The following RPS6KA2 variants were observed in gnomAD, a reference collection of about 807,000 sequenced individuals.
The protein encoded by RPS6KA2 is ribosomal protein S6 kinase A2, also known as ribosomal protein S6 kinase alpha-2.
Under a neutral mutation model 91.8 loss-of-function variants are expected in RPS6KA2, and 42 were observed. The ratio of observed to expected loss-of-function variants is 0.46; its 90% confidence interval spans 0.36 to 0.59. The LOEUF is 0.59. Ranked by LOEUF, RPS6KA2 falls within the 20% of genes least tolerant of loss-of-function variation. The pLI, the probability that RPS6KA2 is intolerant of heterozygous loss-of-function variation, is 0.00. For missense variants in RPS6KA2, 798 were observed against 978.5 expected (o/e 0.82, Z 2.46); for synonymous variants, 414 against 393.6 (o/e 1.05, Z -0.61).
At chr6:166,416,961 A>G (rs893511954) in intron 19 of RPS6KA2, among the ~76,000 whole-genome samples, 16 of 152,214 alleles carry the variant, frequency 1.1e-4, no homozygotes, top group African/African-American at 3.9e-4. Context: ...AGATGTCAAC[A>G]GCAGAATTGG....
At chr6:166,743,553 T>A (rs553472017) in intron 2 of RPS6KA2, among the ~76,000 whole-genome samples, 38 of 152,326 alleles carry the variant, frequency 2.5e-4, no homozygotes, top group Non-Finnish European at 4.7e-4. Context: ...ATAACAACAG[T>A]GCCACCTAAT....
At chr6:166,669,826 C>T (rs1295110239) in intron 2 of RPS6KA2, among the ~76,000 whole-genome samples, 6 of 152,218 alleles carry the variant, frequency 3.9e-5, no homozygotes, top group Non-Finnish European at 5.9e-5. Flanking sequence ...TGATTCCTAC[C>T]GAGGTCCAGG....
intron 2 of RPS6KA2, among the ~76,000 whole-genome samples, chr6:166,688,443 A>C (rs1789091606): frequency 6.6e-6 from 1 of 152,188 alleles, no homozygotes; most frequent in African/African-American, 2.4e-5. Flanking sequence ...GCAGCTGCAG[A>C]GGGAGCTGGC....
intron 2 of RPS6KA2, among the ~76,000 whole-genome samples, chr6:166,817,951 G>A (rs1779812815): frequency 6.6e-6 from 1 of 151,910 alleles, no homozygotes; most frequent in Admixed American, 6.6e-5. Flanking sequence ...TTGAACTCCT[G>A]AGCTCAGGCA....
intron 2 of RPS6KA2, among the ~76,000 whole-genome samples, chr6:166,824,889 G>A (rs1209569938): frequency 6.6e-6 from 1 of 152,160 alleles, no homozygotes; most frequent in Non-Finnish European, 1.5e-5. Flanking sequence ...CTGTATGTAT[G>A]TCTGTGTGTA....
chr6:166,730,112 A>C (rs1431504237), intron 2 of RPS6KA2, among the ~76,000 whole-genome samples: 1 of 152,212 alleles, frequency 6.6e-6, no homozygotes, highest in Non-Finnish European at 1.5e-5. Flanking sequence ...GTAACTTTCT[A>C]TATTGCTTTT....
At chr6:166,834,064 A>T (rs1780254659) in intron 2 of RPS6KA2, among the ~76,000 whole-genome samples, 1 of 152,136 alleles carries the variant, frequency 6.6e-6, no homozygotes, top group African/African-American at 2.4e-5. Context: ...GGGTGAAAGC[A>T]TTGGGTTATA....
chr6:166,440,628 C>A (rs900404536), intron 14 of RPS6KA2, among the ~76,000 whole-genome samples: 2 of 152,276 alleles, frequency 1.3e-5, no homozygotes, highest in East Asian at 3.9e-4. Flanking sequence ...TGTTTGAGAA[C>A]GAAGTTAACA....
rs1454316323 is a variant in RPS6KA2, at chr6:166,662,572, C to T, written c.124-123788G>A. Among the ~76,000 whole-genome samples the T allele has an allele frequency of 6.6e-6, 1 of 152,066 alleles. No homozygotes were observed. The highest frequency in any genetic ancestry group is 1.5e-5 in the Non-Finnish European group (1 of 68,028). Reference sequence around the variant, plus strand: ...AACACCAGTTAGTTTGCACCAGTTCCAGGAAAGAGATTCAATATGAAAATA... The same window carrying T: ...AACACCAGTTAGTTTGCACCAGTTCTAGGAAAGAGATTCAATATGAAAATA... On this transcript the variant is annotated intron_variant, in intron 2 of 21. Coordinates refer to the RPS6KA2 transcript ENST00000503859. The surrounding 1 kb of genome is among the most constrained non-coding windows in gnomAD (Gnocchi z 4.3).
intron 2 of RPS6KA2, among the ~76,000 whole-genome samples, chr6:166,771,157 A>G (rs1778459998): frequency 6.6e-6 from 1 of 152,344 alleles, no homozygotes; most frequent in Middle Eastern, 3.4e-3. Context: ...AAATTTAGCC[A>G]AAGGAAGTGA....
chr6:166,457,253 G>A (rs1045367209), intron 12 of RPS6KA2, among the ~76,000 whole-genome samples: 4 of 152,198 alleles, frequency 2.6e-5, no homozygotes, highest in African/African-American at 9.7e-5. Context: ...GCCAACAATA[G>A]GTGGAGAAAT....
chr6:166,563,026 C>T lies in RPS6KA2; in HGVS notation c.100-24242G>A, dbSNP rs992185189. On this transcript the variant is annotated intron_variant, in intron 1 of 20. Transcript: ENST00000265678. The surrounding 1 kb of genome is among the most constrained non-coding windows in gnomAD (Gnocchi z 4.1). ...ACAGCGCAAAAGGTAACATCCAAGT[C>T]ACAACAGGAGTCCAGAGGGTCCTGA... 6.6e-6 allele frequency among the ~76,000 whole-genome samples: 1 copy of T among 152,328 alleles called. No homozygotes were observed. The highest frequency in any genetic ancestry group is 1.5e-5 in the Non-Finnish European group (1 of 68,018).
intron 2 of RPS6KA2, among the ~76,000 whole-genome samples, chr6:166,721,053 G>C (rs1790157120): frequency 6.6e-6 from 1 of 152,224 alleles, no homozygotes; most frequent in African/African-American, 2.4e-5. Flanking sequence ...CTTAACACCT[G>C]AGTTCACACA....
At chr6:166,586,991 A>C (rs1246495872) in intron 1 of RPS6KA2, among the ~76,000 whole-genome samples, 1 of 152,120 alleles carries the variant, frequency 6.6e-6, no homozygotes, top group Admixed American at 6.5e-5. Context: ...GTGTACCTTA[A>C]AGAAGCAGGT....
At chr6:166,464,991 AAAAT>A (rs150212089) in intron 11 of RPS6KA2, among the ~76,000 whole-genome samples, 77,750 of 150,772 alleles carry the variant, frequency 0.52, 20,943 homozygotes, top group African/African-American at 0.66. Context: ...TTTACTTAAA[AAAAT>A]AAATAAATAA....
At chr6:166,702,524 C>A (rs1220184736) in intron 2 of RPS6KA2, 6 of 1,472,610 alleles carry the variant, frequency 4.1e-6, no homozygotes, top group Admixed American at 1.7e-5. Context: ...CTCTCCACCA[C>A]TCCATACTGG....
rs889349053 is a variant in RPS6KA2, at chr6:166,702,732, C to T, written c.123+155468G>A. ...GGCAGTCCACGAACGCGTAGCCAAT[C>T]TTCACCAGGAAGGGTCCCGACACGG... On this transcript the variant is annotated intron_variant, in intron 2 of 21. Coordinates refer to the RPS6KA2 transcript ENST00000503859. 22 of 1,261,508 alleles carry T rather than the reference C, an allele frequency of 1.7e-5. No individual in the cohort carries two copies. The African/African-American group carries it at 3.1e-4, about 18-fold the overall frequency. 78.1% of individuals were successfully genotyped at this position (1,261,508 alleles called of 1,614,324 possible). A position where few individuals can be genotyped will look rare whatever the true frequency, so the allele number is the denominator to read the frequency against.
At chr6:166,586,827 G>A (rs1407533667) in intron 1 of RPS6KA2, among the ~76,000 whole-genome samples, 3 of 152,164 alleles carry the variant, frequency 2.0e-5, no homozygotes, top group Non-Finnish European at 4.4e-5. Context: ...TTACCTCCAG[G>A]GCAGAGGGAG....
intron 2 of RPS6KA2, among the ~76,000 whole-genome samples, chr6:166,840,851 T>C (rs1285871542): frequency 1.3e-5 from 2 of 151,796 alleles, no homozygotes; most frequent in African/African-American, 4.8e-5. Context: ...TAGTCCCAGC[T>C]ACTCAGGAGA....
Sources: gnomAD v4.1 joint callset for allele counts (sites outside exome capture counted in the v4.1 genomes callset) on GRCh38, gnomAD v4.1.1 for gene constraint, Gnocchi (gnomAD v3.1) non-coding constraint, MANE v1.5 for transcripts, NCBI Gene and HGNC (gene_info 2026-07-23, HGNC 2026-07-21) for gene names.